The following SNX29 variants were observed in gnomAD, a reference collection of about 807,000 sequenced individuals.
SNX29 encodes sorting nexin 29.
In SNX29, 78 loss-of-function variants were observed where a neutral mutation model predicts 102.1. The observed-to-expected ratio is 0.76, with a 90% CI of 0.64 to 0.92. SNX29 has a LOEUF of 0.92. SNX29 is among the 40% of genes least tolerant of loss of function. The pLI, the probability that SNX29 is intolerant of heterozygous loss-of-function variation, is 0.00. For missense variants in SNX29, 1,280 were observed against 1,061.7 expected (o/e 1.21, Z -2.86); for synonymous variants, 580 against 414.5 (o/e 1.40, Z -4.85).
chr16:12,370,490 G>A (rs2082643228), intron 16 of SNX29, among the ~76,000 whole-genome samples: 1 of 152,196 alleles, frequency 6.6e-6, no homozygotes, highest in African/African-American at 2.4e-5. Context: ...AACCTGGGAG[G>A]TGGAGGTTGC....
chr16:12,202,021 C>T (rs1002803810), intron 14 of SNX29, among the ~76,000 whole-genome samples: 2 of 152,300 alleles, frequency 1.3e-5, no homozygotes, highest in Admixed American at 6.5e-5. Flanking sequence ...CCCTGAGCCA[C>T]AGCTGGATAT....
At chr16:12,072,128 C>T (rs2051328034) in intron 10 of SNX29, among the ~76,000 whole-genome samples, 1 of 152,182 alleles carries the variant, frequency 6.6e-6, no homozygotes, top group Admixed American at 6.5e-5. Flanking sequence ...GACAATTTGA[C>T]TTCCTCTTTT....
chr16:12,012,348 G>A (rs757794696), intron 3 of SNX29, among the ~76,000 whole-genome samples: 8 of 152,086 alleles, frequency 5.3e-5, no homozygotes, highest in Non-Finnish European at 1.2e-4. Flanking sequence ...AAGTCAGCAG[G>A]TTCTTCTCTG....
chr16:11,996,481 T>C (rs1211154853), intron 1 of SNX29, among the ~76,000 whole-genome samples: 1 of 152,212 alleles, frequency 6.6e-6, no homozygotes, highest in Non-Finnish European at 1.5e-5. Flanking sequence ...AAATTATCAC[T>C]AGGGAGATGA....
Position 12,477,806 on chromosome 16 carries a change from T to G in SNX29, c.2125T>G (p.Tyr709Asp). 1 of 1,613,474 alleles carries G rather than the reference T, an allele frequency of 6.2e-7. No individual in the cohort carries two copies. The highest frequency in any genetic ancestry group is 8.5e-7 in the Non-Finnish European group (1 of 1,179,712). The change falls in exon 19 of 21, where the codon TAC (tyrosine) becomes GAC (aspartate). Residue 709 changes from tyrosine to aspartate, a missense_variant. Coordinates refer to ENST00000566228, the MANE Select transcript of SNX29 (RefSeq NM_032167.5). ...TTTGCACCACAAGTTACAAAACAAG[T>G]ACCCTCAAGTGAGGGCCTACAACTT... The part of the protein sequence containing the change: ...RSLHHKLQNK[Y>D]PQVRAYNFPP...
intron 18 of SNX29, among the ~76,000 whole-genome samples, chr16:12,469,645 C>A (rs1055430810): frequency 6.6e-6 from 1 of 152,144 alleles, no homozygotes; most frequent in Non-Finnish European, 1.5e-5. Flanking sequence ...GGTGCTAGTT[C>A]CGCTGCTCAC....
At chr16:12,086,438 A>G (rs914476286) in intron 11 of SNX29, among the ~76,000 whole-genome samples, 11 of 152,046 alleles carry the variant, frequency 7.2e-5, no homozygotes, top group Admixed American at 6.6e-4. Context: ...TTTTGGAGGC[A>G]GGGTCTCTGT....
chr16:12,285,888 C>A (rs890231377), intron 15 of SNX29, among the ~76,000 whole-genome samples: 1 of 152,182 alleles, frequency 6.6e-6, no homozygotes, highest in African/African-American at 2.4e-5. Flanking sequence ...TGGAGTTTCA[C>A]TCTGTTGCCC....
chr16:12,501,324 A>C (rs1356954123), intron 19 of SNX29, among the ~76,000 whole-genome samples: 1 of 152,144 alleles, frequency 6.6e-6, no homozygotes, highest in Non-Finnish European at 1.5e-5. Flanking sequence ...GGATTGCTTG[A>C]GATTAGGAGT....
chr16:12,076,165 T>C (rs140780956), intron 10 of SNX29, among the ~76,000 whole-genome samples: 100 of 152,298 alleles, frequency 6.6e-4, no homozygotes, highest in Admixed American at 1.8e-3. Context: ...CATGGTGCGC[T>C]GCACCCACTG....
chr16:12,541,234 G>A (rs1022546664), intron 20 of SNX29, among the ~76,000 whole-genome samples: 1 of 152,118 alleles, frequency 6.6e-6, no homozygotes. Flanking sequence ...AAGGACTATG[G>A]AACCATGTAT....
At chr16:12,546,734 G>A (rs1353301303) in intron 20 of SNX29, 2 of 151,870 alleles carry the variant, frequency 1.3e-5, no homozygotes, top group African/African-American at 4.8e-5. Flanking sequence ...AAACTAAGAA[G>A]ATAGGAGAAA....
chr16:12,129,048 C>G (rs2054341929), intron 12 of SNX29, among the ~76,000 whole-genome samples: 1 of 152,212 alleles, frequency 6.6e-6, no homozygotes, highest in African/African-American at 2.4e-5. Context: ...TCTCTGCTAT[C>G]TCAGATGCTT....
At position 12,508,262 on chromosome 16, in the gene SNX29, G is replaced by A. The variant is rs549685459; in HGVS notation, c.2179-16440G>A. ...GGTCACGCATCCCCGGCCCTGCTCCGGAGGGCGAGCTGGGCCCCATGCTTC... is the reference window on the plus strand; with the variant it reads ...GGTCACGCATCCCCGGCCCTGCTCCAGAGGGCGAGCTGGGCCCCATGCTTC... On this transcript the variant is annotated intron_variant, in intron 19 of 20. Transcript: ENST00000566228. 3.3e-5 allele frequency among the ~76,000 whole-genome samples: 5 copies of A among 152,180 alleles called. No individual in the cohort carries two copies. The South Asian group carries it at 8.3e-4, about 25-fold the overall frequency.
chr16:12,070,627 A>G (rs350236), intron 10 of SNX29, among the ~76,000 whole-genome samples: 116,351 of 149,874 alleles, frequency 0.78, 45,964 homozygotes, highest in African/African-American at 0.93. Flanking sequence ...GAATAGTGCC[A>G]CAATAAACAT....
chr16:12,046,356 C>A (rs185932568), intron 5 of SNX29, 28 bp from the exon 6 acceptor site: 3 of 1,611,258 alleles, frequency 1.9e-6, no homozygotes, highest in African/African-American at 2.7e-5. Context: ...CTGCTAAGAA[C>A]GATTTCCTTT....
chr16:12,133,454 T>C (rs1181147603), intron 13 of SNX29, among the ~76,000 whole-genome samples: 1 of 151,884 alleles, frequency 6.6e-6, no homozygotes, highest in East Asian at 1.9e-4. Context: ...CATAGCCAGC[T>C]AATTTTTGTA....
chr16:12,378,165 G>C (rs1411687373), intron 16 of SNX29, among the ~76,000 whole-genome samples: 1 of 152,182 alleles, frequency 6.6e-6, no homozygotes, highest in East Asian at 1.9e-4. Context: ...AATTTATGAG[G>C]AAAAGTTTTA....
chr16:11,981,936 TGC>T (rs2055426122), intron 1 of SNX29, among the ~76,000 whole-genome samples: 1 of 152,104 alleles, frequency 6.6e-6, no homozygotes, highest in Non-Finnish European at 1.5e-5. Context: ...CTGGCGTGAT[TGC>T]TCACGCCTGT....
Sources: allele counts gnomAD v4.1 joint callset (sites outside exome capture counted in the v4.1 genomes callset), GRCh38; gene constraint gnomAD v4.1.1; transcripts MANE v1.5; gene names NCBI Gene and HGNC (gene_info 2026-07-23, HGNC 2026-07-21).